Variants in TMEM179B observed in about 807,000 individuals in gnomAD.
TMEM179B encodes transmembrane protein 179B.
In TMEM179B, 13 loss-of-function variants were observed where a neutral mutation model predicts 18.0. The observed-to-expected ratio is 0.72, with a 90% CI of 0.47 to 1.15. The LOEUF is 1.15. Among genes scored for constraint, TMEM179B ranks in the 50% most tolerant of loss-of-function variants. The pLI is 0.00. For missense variants in TMEM179B, 320 were observed against 270.6 expected (o/e 1.18, Z -1.28); for synonymous variants, 159 against 117.5 (o/e 1.35, Z -2.29).
rs1329393861 is a variant in TMEM179B at position 62,787,478 on chromosome 11, C to T, written c.47C>T (p.Ala16Val). 1.9e-6 allele frequency: 3 copies of T among 1,578,222 alleles called. No homozygotes were observed. The stretch of plus-strand genomic sequence containing the variant: ...CGCGTCGAGCTTGCGCTCTTTGCTG[C>T]CGCCTTCCTGTGCGGGGCCGTGGCG... ...LQRVELALFA[A>V]AFLCGAVAAA... Residue 16 changes from alanine to valine, a missense_variant, in exon 1 of 5, where the codon GCC becomes GTC. By Grantham distance (64) the Ala-to-Val change is moderately conservative. Coordinates refer to ENST00000333449, the MANE Select transcript of TMEM179B (RefSeq NM_199337.3).
rs201070100 is a variant in TMEM179B at position 62,790,102 on chromosome 11, TC to T, written c.*63del. ...AGACTCCATGCCCAAGTGCCTGTAA[TC>T]CCCCCCCTCAAGGCCCTGTTTATGT... On this transcript the variant is annotated 3_prime_UTR_variant, in exon 5 of 5. Transcript: ENST00000333449. 9.5e-3 allele frequency: 12,343 copies of T among 1,306,118 alleles called. 86 individuals are homozygous for T. The highest frequency in any genetic ancestry group is 0.034 in the African/African-American group (2,064 of 61,508). The allele number at this position is 1,306,118 out of a possible 1,614,324, so 80.9% of individuals were successfully genotyped here.
chr11:62,790,104 C>T lies in TMEM179B; in HGVS notation c.*57C>T, dbSNP rs144162053. On this transcript the variant is annotated 3_prime_UTR_variant, in exon 5 of 5. Transcript: ENST00000333449. Reference sequence around the variant, plus strand: ...ACTCCATGCCCAAGTGCCTGTAATCCCCCCCCTCAAGGCCCTGTTTATGTT... The same window carrying T: ...ACTCCATGCCCAAGTGCCTGTAATCTCCCCCCTCAAGGCCCTGTTTATGTT... The T allele has an allele frequency of 1.0e-4, 154 of 1,503,676 alleles. No individual in the cohort carries two copies. Among genetic ancestry groups the T allele is most frequent in the Non-Finnish European group, 1.2e-4 (135 of 1,126,572 alleles). The allele number at this position is 1,503,676 out of a possible 1,614,324, so 93.1% of individuals were successfully genotyped here. A position where few individuals can be genotyped will look rare whatever the true frequency, so the allele number is the denominator to read the frequency against.
At position 62,787,430 on chromosome 11, in the gene TMEM179B, C is replaced by A; in HGVS notation, c.-2C>A. On this transcript the variant is annotated 5_prime_UTR_variant, in exon 1 of 5. Transcript: ENST00000333449. Reference sequence around the variant, plus strand: ...GCGGCGCTTCCTGGTGGTCAGGGCGCCATGGCGCTGTCCTGGCTGCAGCGC... The same window carrying A: ...GCGGCGCTTCCTGGTGGTCAGGGCGACATGGCGCTGTCCTGGCTGCAGCGC... 5.1e-6 allele frequency: 8 copies of A among 1,562,878 alleles called. No homozygotes were observed. The highest frequency in any genetic ancestry group is 6.9e-6 in the Non-Finnish European group (8 of 1,161,878).
At position 62,787,422 on chromosome 11, in the gene TMEM179B, T is replaced by G. The variant is rs775082168; in HGVS notation, c.-10T>G. The G allele has an allele frequency of 2.6e-6, 4 of 1,559,828 alleles. No individual in the cohort carries two copies. The highest frequency in any genetic ancestry group is 1.2e-5 in the South Asian group (1 of 86,946). ...CTGCTGCAGCGGCGCTTCCTGGTGG[T>G]CAGGGCGCCATGGCGCTGTCCTGGC... On this transcript the variant is annotated 5_prime_UTR_variant, in exon 1 of 5. Transcript: ENST00000333449.
intron 3 of TMEM179B, 48 bp from the exon 4 acceptor site, chr11:62,789,553 G>A (rs373442238): frequency 9.6e-6 from 15 of 1,556,844 alleles, no homozygotes; most frequent in African/African-American, 2.7e-5. Flanking sequence ...GGTGTGCCTC[G>A]GATATAAACT....
chr11:62,789,795 T>C (rs766406677), intron 4 of TMEM179B, 91 bp from the exon 5 acceptor site: 1 of 1,539,314 alleles, frequency 6.5e-7, no homozygotes, highest in East Asian at 2.3e-5. Flanking sequence ...GTTGTCAGCT[T>C]AAAATTCAGC....
chr11:62,789,969 C>T lies in TMEM179B; in HGVS notation c.582C>T (p.Tyr194=). 4 of 1,614,122 alleles carry T rather than the reference C, an allele frequency of 2.5e-6. No individual in the cohort carries two copies. The highest frequency in any genetic ancestry group is 1.3e-5 in the African/African-American group (1 of 75,038). Residue 194 remains tyrosine (Y), a synonymous_variant, in exon 5 of 5, where the codon TAC becomes TAT. Transcript: ENST00000333449. ...AGTGGAAGTCTGAAGCCACCCCATA[C>T]CGGCCTCTGGAGAGGGGTGACCCTG... ...VVQWKSEATP[Y]RPLERGDPEW... is the part of the protein sequence containing the mutation.
chr11:62,789,726 T>G, intron 4 of TMEM179B, 47 bp downstream of exon 4: 1 of 1,520,174 alleles, frequency 6.6e-7, no homozygotes, highest in African/African-American at 1.4e-5. Flanking sequence ...TATCTGTAGC[T>G]GTGTGGGTGC....
rs149681128 is a variant in TMEM179B at position 62,789,527 on chromosome 11, C to T, written c.420-74C>T. 80 of 1,584,094 alleles carry T rather than the reference C, an allele frequency of 5.1e-5. 1 individual carries two copies. In the East Asian group the frequency reaches 1.7e-3, roughly 34 times the overall value. On this transcript the variant is annotated intron_variant, in intron 3 of 4. Coordinates refer to ENST00000333449, the MANE Select transcript of TMEM179B (RefSeq NM_199337.3). ...ATCCCCATCAGTTGCTCTCAACTCA[C>T]AGGGCACTGGGCACAGGTGTGCCTC...
intron 2 of TMEM179B, 39 bp from the exon 3 acceptor site, chr11:62,789,253 G>A: frequency 6.2e-7 from 1 of 1,614,030 alleles, no homozygotes; most frequent in Non-Finnish European, 8.5e-7. Flanking sequence ...GGTAGGATGA[G>A]CCTCACCTCC....
chr11:62,788,995 T>C (rs370472730), intron 1 of TMEM179B, 28 bp from the exon 2 acceptor site: 3 of 1,595,768 alleles, frequency 1.9e-6, no homozygotes, highest in Non-Finnish European at 2.6e-6. Flanking sequence ...TAACCTGAAA[T>C]CTAGGACTCA....
Position 62,789,682 on chromosome 11 carries a change from G to A in TMEM179B, c.498+3G>A. The A allele has an allele frequency of 6.5e-7, 1 of 1,539,254 alleles. No homozygotes were observed. The highest frequency in any genetic ancestry group is 1.8e-4 in the Middle Eastern group (1 of 5,706). ...ACTCCAACCTACACAATGCTGAAGT[G>A]AGACCCAAGGATAGGAGGAAAAACT... On this transcript the variant is annotated splice_donor_region_variant and intron_variant, in intron 4 of 4. Transcript: ENST00000333449.
At position 62,789,130 on chromosome 11, in the gene TMEM179B, G is replaced by C. The variant is rs756956741; in HGVS notation, c.204G>C (p.Gly68=). 4.7e-5 allele frequency: 76 copies of C among 1,614,038 alleles called. No homozygotes were observed. The highest frequency in any genetic ancestry group is 1.1e-5 in the Non-Finnish European group (13 of 1,180,036). ...CATCCCTGTGCTACTTTGTAGCTGG[G>C]GCCTCTGGCCTCTTGGCCCTCTACT... The part of the protein sequence containing the change: ...SAPSLCYFVA[G]ASGLLALYCL... Residue 68 remains glycine, a synonymous_variant, in exon 2 of 5, where the codon GGG becomes GGC. Coordinates refer to ENST00000333449, the MANE Select transcript of TMEM179B (RefSeq NM_199337.3).
chr11:62,788,416 A>AAACACT (rs879357661), intron 1 of TMEM179B, among the ~76,000 whole-genome samples: 21 of 150,744 alleles, frequency 1.4e-4, no homozygotes, highest in Admixed American at 4.0e-4. Context: ...ACAAAAACAA[A>AAACACT]AACACTGGCC....
rs1329474425 is a variant in TMEM179B, at chr11:62,789,883, C to T, written c.499-3C>T. 1 of 1,612,408 alleles carries T rather than the reference C, an allele frequency of 6.2e-7. No homozygotes were observed. Among genetic ancestry groups the T allele is most frequent in the African/African-American group, 1.3e-5 (1 of 74,872 alleles). Reference sequence around the variant, plus strand: ...CTGACGATCCTGTCCCTGTCTCCTACAGACCTCTTCTTGGGTGAATTTGGT... The same window carrying T: ...CTGACGATCCTGTCCCTGTCTCCTATAGACCTCTTCTTGGGTGAATTTGGT... On this transcript the variant is annotated splice_region_variant and splice_polypyrimidine_tract_variant and intron_variant, in intron 4 of 4. Transcript: ENST00000333449.
Position 62,789,424 on chromosome 11 carries a change from T to G in TMEM179B, c.417T>G (p.Ile139Met). The change falls in exon 3 of 5, where the codon ATT becomes ATG. Residue 139 changes from isoleucine (I) to methionine (M), a missense_variant and splice_region_variant. Ile to Met is a conservative substitution (Grantham distance 10). Transcript: ENST00000333449. ...CNSIISLNTT[I>M]SCSEAQKIPW... is the part of the protein sequence containing the mutation. ...CCATCATCTCCTTGAACACTACAAT[T>G]AGGTAATGGGAGAGGGAGGGAAGCC... 1 of 1,613,726 alleles carries G rather than the reference T, an allele frequency of 6.2e-7. No individual in the cohort carries two copies. The highest frequency in any genetic ancestry group is 8.5e-7 in the Non-Finnish European group (1 of 1,179,992).
Position 62,790,137 on chromosome 11 carries a change from TTA to T in TMEM179B, c.*91_*92del. The T allele has an allele frequency of 7.1e-7, 1 of 1,401,070 alleles. No individual in the cohort carries two copies. The highest frequency in any genetic ancestry group is 9.4e-7 in the Non-Finnish European group (1 of 1,061,976). 86.8% of individuals were successfully genotyped at this position (1,401,070 alleles called of 1,614,324 possible). ...CAAGGCCCTGTTTATGTTGGGAGTC[TTA>T]GTTTTCCTTTCGTTGGGGGGTGGGG... On this transcript the variant is annotated 3_prime_UTR_variant, in exon 5 of 5. Transcript: ENST00000333449.
chr11:62,789,679 A>AGT lies in TMEM179B; in HGVS notation c.498+2_498+3dup. 6.5e-7 allele frequency: 1 copy of AGT among 1,541,196 alleles called. No homozygotes were observed. Among genetic ancestry groups the AGT allele is most frequent in the Non-Finnish European group, 8.7e-7 (1 of 1,147,852 alleles). ...TTTACTCCAACCTACACAATGCTGA[A>AGT]GTGAGACCCAAGGATAGGAGGAAAA... On this transcript the variant is annotated frameshift_variant and splice_region_variant. Transcript: ENST00000333449. LOFTEE classifies it high-confidence loss of function.
chr11:62,788,058 T>C (rs2084309538), intron 1 of TMEM179B: 2 of 452,140 alleles, frequency 4.4e-6, no homozygotes. Flanking sequence ...CATGGGTTCA[T>C]TTAATGCCTA....
Sources: gnomAD v4.1 joint callset for allele counts (sites outside exome capture counted in the v4.1 genomes callset) on GRCh38, gnomAD v4.1.1 for gene constraint, MANE v1.5 for transcripts, NCBI Gene and HGNC (gene_info 2026-07-23, HGNC 2026-07-21) for gene names.